The following ZDHHC4 variants were observed in gnomAD, a reference collection of about 807,000 sequenced individuals.
ZDHHC4 encodes the protein zDHHC palmitoyltransferase 4, also known as palmitoyltransferase ZDHHC4.
Under a neutral mutation model 36.7 loss-of-function variants are expected in ZDHHC4, and 42 were observed. That is an observed-to-expected ratio of 1.14 (90% confidence interval 0.89 to 1.48). ZDHHC4 has a LOEUF of 1.48. ZDHHC4 is among the 40% of genes most tolerant of loss of function. The probability of loss-of-function intolerance (pLI) is 0.00; values close to 1 mark genes in which losing one functional copy is unlikely to be tolerated. For missense variants in ZDHHC4, 457 were observed against 421.5 expected (o/e 1.08, Z -0.74); for synonymous variants, 189 against 166.6 (o/e 1.13, Z -1.03).
intron 7 of ZDHHC4, among the ~76,000 whole-genome samples, chr7:6,586,882 C>A (rs956258562): frequency 6.6e-6 from 1 of 151,406 alleles, no homozygotes; most frequent in Non-Finnish European, 1.5e-5. Context: ...TCACTTTTGG[C>A]TATTTTTGAG....
At chr7:6,582,324 A>C in intron 5 of ZDHHC4, 73 bp downstream of exon 5, 1 of 1,360,794 alleles carries the variant, frequency 7.3e-7, no homozygotes, top group East Asian at 2.3e-5. Flanking sequence ...AAACAAGGAG[A>C]GGCCCCCCCT....
At chr7:6,581,580 G>C in intron 3 of ZDHHC4, 27 bp from the exon 4 acceptor site, 2 of 1,556,190 alleles carry the variant, frequency 1.3e-6, no homozygotes, top group Middle Eastern at 1.7e-4. Flanking sequence ...AAATGAAATT[G>C]AGTCTTTCTC....
rs933964152 is a variant in ZDHHC4, at chr7:6,581,551, T to C, written c.118-56T>C. ...CTGTATGTGGAGTGTCTGATTTGTT[T>C]GGGAGTGGAGGAAGTGAGAAATGAA... On this transcript the variant is annotated intron_variant, in intron 3 of 7. Coordinates refer to ENST00000335965, the MANE Select transcript of ZDHHC4 (RefSeq NM_001134389.2). 9.5e-6 allele frequency: 13 copies of C among 1,369,036 alleles called. No homozygotes were observed. In the African/African-American group the frequency reaches 1.1e-4, roughly 12 times the overall value. The allele number at this position is 1,369,036 out of a possible 1,614,324, so 84.8% of individuals were successfully genotyped here.
Position 6,577,478 on chromosome 7 carries a change from G to C in ZDHHC4, c.-183G>C, listed in dbSNP as rs1329252175. ...AAGTCTCGTATCGCGCCCGGGAGGC[G>C]CCGGAGCCCAGCGGCTGGCGGTAAG... On this transcript the variant is annotated 5_prime_UTR_variant, in exon 1 of 8. Coordinates refer to ENST00000335965, the MANE Select transcript of ZDHHC4 (RefSeq NM_001134389.2). The C allele has an allele frequency of 1.3e-5, 2 of 152,154 alleles. No homozygotes were observed. Among genetic ancestry groups the C allele is most frequent in the Non-Finnish European group, 2.9e-5 (2 of 68,022 alleles). 9.4% of individuals were successfully genotyped at this position (152,154 alleles called of 1,614,324 possible). A position where few individuals can be genotyped will look rare whatever the true frequency, so the allele number is the denominator to read the frequency against.
intron 3 of ZDHHC4, 150 bp from the exon 4 acceptor site, chr7:6,581,457 T>C: frequency 1.5e-6 from 1 of 656,218 alleles, no homozygotes; most frequent in South Asian, 1.7e-5. Context: ...AATTCCCCTC[T>C]TTATTCTCTG....
intron 2 of ZDHHC4, among the ~76,000 whole-genome samples, chr7:6,580,067 G>A (rs1216694565): frequency 6.6e-6 from 1 of 152,102 alleles, no homozygotes; most frequent in Non-Finnish European, 1.5e-5. Flanking sequence ...CCTGGGAGGC[G>A]GAGGTTGCAG....
chr7:6,581,752 T>C, intron 4 of ZDHHC4, 72 bp downstream of exon 4: 1 of 1,269,300 alleles, frequency 7.9e-7, no homozygotes, highest in Non-Finnish European at 1.1e-6. Flanking sequence ...ATCCTCTAGC[T>C]TCAGGAAGCT....
At chr7:6,584,549 C>T (rs373891367) in intron 6 of ZDHHC4, among the ~76,000 whole-genome samples, 52 of 152,264 alleles carry the variant, frequency 3.4e-4, no homozygotes, top group African/African-American at 1.2e-3. Context: ...TCTTGTGTTG[C>T]CTCCATATTC....
At chr7:6,583,122 G>T (rs1780977722) in intron 5 of ZDHHC4, among the ~76,000 whole-genome samples, 184 bp from the exon 6 acceptor site, 1 of 152,024 alleles carries the variant, frequency 6.6e-6, no homozygotes. Flanking sequence ...AGAGGTTGCA[G>T]TGAGCCAAGA....
At chr7:6,581,007 G>A (rs1369450666) in intron 3 of ZDHHC4, 1 of 313,362 alleles carries the variant, frequency 3.2e-6, no homozygotes, top group Non-Finnish European at 6.0e-6. Context: ...TGTCTGTGTG[G>A]GTTTTGTGTT....
Position 6,581,227 on chromosome 7 carries a change from A to C in ZDHHC4, c.118-380A>C, listed in dbSNP as rs182615999. 1.8e-4 allele frequency: 48 copies of C among 274,186 alleles called. 1 individual carries two copies. In the Admixed American group the frequency reaches 1.8e-3, roughly 10 times the overall value. The allele number at this position is 274,186 out of a possible 1,614,324, so 17.0% of individuals were successfully genotyped here. On this transcript the variant is annotated intron_variant, in intron 3 of 7. Transcript: ENST00000335965. ...AAAACGGGGCAAGCAGCCTATGGGA[A>C]GGCATTGAGTTGGGAGGGACCTGGG...
Position 6,582,203 on chromosome 7 carries a change from C to G in ZDHHC4, c.322C>G (p.Leu108Val). Residue 108 changes from leucine to valine, a missense_variant, in exon 5 of 8, where the codon CTA (leucine) becomes GTA (valine). By Grantham distance (32) the Leu-to-Val change is conservative. Coordinates refer to ENST00000335965, the MANE Select transcript of ZDHHC4 (RefSeq NM_001134389.2). ...TTACCTTCTTCTGCCCTATCTGCTG[C>G]TAGGTGTAAACCTGTTTTTTTTCAC... ...LHYLLLPYLL[L>V]GVNLFFFTLT... The G allele has an allele frequency of 5.0e-6, 8 of 1,614,182 alleles. No homozygotes were observed. Among genetic ancestry groups the G allele is most frequent in the Non-Finnish European group, 6.8e-6 (8 of 1,180,030 alleles).
chr7:6,589,029 G>T lies in ZDHHC4; in HGVS notation c.*119G>T. 2.3e-6 allele frequency: 3 copies of T among 1,321,132 alleles called. No individual in the cohort carries two copies. The highest frequency in any genetic ancestry group is 3.1e-6 in the Non-Finnish European group (3 of 963,470). 81.8% of individuals were successfully genotyped at this position (1,321,132 alleles called of 1,614,324 possible). On this transcript the variant is annotated 3_prime_UTR_variant, in exon 8 of 8. Coordinates refer to ENST00000335965, the MANE Select transcript of ZDHHC4 (RefSeq NM_001134389.2). ...TGTGCTTATAAATCACTTTCGGTGG[G>T]CAAGGGAGAGAGGGGAAAATGGGTG...
chr7:6,579,435 C>A (rs914421814), intron 2 of ZDHHC4, among the ~76,000 whole-genome samples: 1 of 151,928 alleles, frequency 6.6e-6, no homozygotes, highest in East Asian at 1.9e-4. Context: ...CTCCTGACCT[C>A]GTGATCCGCC....
rs1780662011 is a variant in ZDHHC4 at position 6,579,182 on chromosome 7, A to T, written c.-8+462A>T. On this transcript the variant is annotated intron_variant, in intron 2 of 7. Transcript: ENST00000335965. ...CTTAAACCGCTACACTATGGAAAAG[A>T]GTTCCAGTATCCAGTGTCTTTTCTT... is the stretch of plus-strand genomic sequence containing the variant. Among the ~76,000 whole-genome samples the T allele has an allele frequency of 2.0e-5, 3 of 149,692 alleles. No individual in the cohort carries two copies. The South Asian group carries it at 6.3e-4, about 31-fold the overall frequency.
intron 7 of ZDHHC4, among the ~76,000 whole-genome samples, chr7:6,586,108 G>A (rs946732420): frequency 2.6e-5 from 4 of 151,720 alleles, no homozygotes; most frequent in Non-Finnish European, 4.4e-5. Flanking sequence ...AGCCAAGATC[G>A]TGCCATTGCA....
intron 2 of ZDHHC4, among the ~76,000 whole-genome samples, chr7:6,580,122 T>TGAA (rs1413417455): frequency 6.6e-6 from 1 of 151,696 alleles, no homozygotes; most frequent in Non-Finnish European, 1.5e-5. Context: ...GTAACAAGAG[T>TGAA]GAAACTCTGT....
rs1297286424 is a variant in ZDHHC4, at chr7:6,589,110, CCTGGTG to C, written c.*201_*206del. The C allele has an allele frequency of 6.4e-6, 4 of 621,054 alleles. No homozygotes were observed. The Admixed American group carries it at 1.2e-4, about 19-fold the overall frequency. The allele number at this position is 621,054 out of a possible 1,614,324, so 38.5% of individuals were successfully genotyped here. On this transcript the variant is annotated 3_prime_UTR_variant, in exon 8 of 8. Transcript: ENST00000335965. ...TTTTGAAACCGGGCATCTCTGAAGT[CCTGGTG>C]TCAAGGGGATCAAGAGATGACTTCT...
At chr7:6,579,769 T>C (rs928677461) in intron 2 of ZDHHC4, among the ~76,000 whole-genome samples, 3 of 152,192 alleles carry the variant, frequency 2.0e-5, no homozygotes, top group Non-Finnish European at 4.4e-5. Context: ...GCATGTTCTT[T>C]CTTGGTTTAT....
Sources: allele counts gnomAD v4.1 joint callset (sites outside exome capture counted in the v4.1 genomes callset), GRCh38; gene constraint gnomAD v4.1.1; transcripts MANE v1.5; gene names NCBI Gene and HGNC (gene_info 2026-07-23, HGNC 2026-07-21).